Variants in MAU2 observed in about 807,000 individuals in gnomAD.
The protein encoded by MAU2 is MAU2 sister chromatid cohesion factor.
A neutral mutation model predicts 89.1 loss-of-function variants in MAU2; 9 were observed. The ratio of observed to expected loss-of-function variants is 0.10; its 90% CI spans 0.06 to 0.18. The LOEUF (loss-of-function observed/expected upper bound fraction) is 0.18. Among genes scored for constraint, MAU2 ranks in the 10% least tolerant of loss-of-function variants. The pLI, the probability that MAU2 is intolerant of heterozygous loss-of-function variation, is 1.00. For synonymous variants in MAU2, 357 were observed against 343.4 expected (o/e 1.04, Z -0.44); for missense variants, 425 against 803.5 (o/e 0.53, Z 5.69).
In MAU2 at chr19:19,356,071, C is replaced by T; in HGVS notation, c.*289C>T. On this transcript the variant is annotated 3_prime_UTR_variant, in exon 19 of 19. Transcript: ENST00000262815. ...GCCAGTCCTGCCTCAGCATCTGGGT[C>T]ACGTCGGCCAGGAGTAGGGTGCAGG... 1.7e-6 allele frequency: 1 copy of T among 583,624 alleles called. No individual in the cohort carries two copies. Among genetic ancestry groups the T allele is most frequent in the Non-Finnish European group, 3.2e-6 (1 of 308,494 alleles). 36.2% of individuals were successfully genotyped at this position (583,624 alleles called of 1,614,324 possible).
chr19:19,337,391 A>G (rs756999), intron 4 of MAU2, 126 bp downstream of exon 4: 580,499 of 694,166 alleles, frequency 0.84, 244,099 homozygotes, highest in East Asian at 1. Context: ...CACATGGAGT[A>G]GGTGGGGACA....
chr19:19,335,863 G>A, intron 2 of MAU2, 128 bp downstream of exon 2: 1 of 1,102,564 alleles, frequency 9.1e-7, no homozygotes, highest in Non-Finnish European at 1.4e-6. Flanking sequence ...AGAGCACCTG[G>A]AGTGTCCCCC....
At chr19:19,350,256 G>GCT (rs1009613064) in intron 16 of MAU2, among the ~76,000 whole-genome samples, 4 of 139,990 alleles carry the variant, frequency 2.9e-5, no homozygotes, top group African/African-American at 1.1e-4. Flanking sequence ...AGATCATGCC[G>GCT]CTGCACTCCA....
intron 4 of MAU2, 128 bp downstream of exon 4, chr19:19,337,393 G>T: frequency 1.5e-6 from 1 of 678,152 alleles, no homozygotes; most frequent in Non-Finnish European, 2.6e-6. Flanking sequence ...CATGGAGTAG[G>T]TGGGGACATG....
At chr19:19,327,515 C>T (rs1218253158) in intron 1 of MAU2, among the ~76,000 whole-genome samples, 4 of 151,818 alleles carry the variant, frequency 2.6e-5, no homozygotes, top group Non-Finnish European at 2.9e-5. Flanking sequence ...TTAGTAGAGA[C>T]GGGGTTTCAC....
rs12460764 is a variant in MAU2, at chr19:19,321,154, G to A, written c.276+19G>A. 6.4e-7 allele frequency: 1 copy of A among 1,565,564 alleles called. No individual in the cohort carries two copies. Among genetic ancestry groups the A allele is most frequent in the African/African-American group, 1.4e-5 (1 of 71,390 alleles). Reference sequence around the variant, plus strand: ...GAAGGCGGTGAGCGCGGGCCGGGCCGCGAGGGAGGAGTCGCGGGCTCCTTG... The same window carrying A: ...GAAGGCGGTGAGCGCGGGCCGGGCCACGAGGGAGGAGTCGCGGGCTCCTTG... On this transcript the variant is annotated intron_variant, in intron 1 of 18. Coordinates refer to ENST00000262815, the MANE Select transcript of MAU2 (RefSeq NM_015329.4).
At chr19:19,337,662 T>G (rs770898894) in intron 4 of MAU2, among the ~76,000 whole-genome samples, 5 of 152,200 alleles carry the variant, frequency 3.3e-5, no homozygotes, top group African/African-American at 4.8e-5. Flanking sequence ...ACTGTGGGTT[T>G]TTTTTAGGAG....
In MAU2 at chr19:19,356,780, A is replaced by AC. The variant is rs2048184439; in HGVS notation, c.*1001dup. The stretch of plus-strand genomic sequence containing the variant: ...CTGGGTCTCTGGGGCACAGTGTGAA[A>AC]CCCGCACCCTAGCCAGGCCCCAGGG... On this transcript the variant is annotated 3_prime_UTR_variant, in exon 19 of 19. Coordinates refer to ENST00000262815, the MANE Select transcript of MAU2 (RefSeq NM_015329.4). 6.6e-6 allele frequency: 1 copy of AC among 152,190 alleles called. No homozygotes were observed. The highest frequency in any genetic ancestry group is 6.5e-5 in the Admixed American group (1 of 15,268). 9.4% of individuals were successfully genotyped at this position (152,190 alleles called of 1,614,324 possible).
chr19:19,342,961 T>A, intron 9 of MAU2, 95 bp downstream of exon 9: 1 of 1,341,054 alleles, frequency 7.5e-7, no homozygotes, highest in Non-Finnish European at 1.1e-6. Flanking sequence ...TGACCCTGTG[T>A]GACCGCAGCG....
At chr19:19,328,433 T>C (rs1420771464) in intron 1 of MAU2, among the ~76,000 whole-genome samples, 1 of 151,836 alleles carries the variant, frequency 6.6e-6, no homozygotes, top group Non-Finnish European at 1.5e-5. Flanking sequence ...CTTTTTTTTT[T>C]TTTTTTGAGA....
At chr19:19,348,763 C>T in intron 13 of MAU2, 126 bp from the exon 14 acceptor site, 1 of 1,038,384 alleles carries the variant, frequency 9.6e-7, no homozygotes, top group South Asian at 1.3e-5. Context: ...GGTCAGTCAC[C>T]AGGCTCAGCC....
At chr19:19,349,522 A>G in intron 16 of MAU2, 86 bp downstream of exon 16, 1 of 1,169,694 alleles carries the variant, frequency 8.5e-7, no homozygotes, top group Non-Finnish European at 1.3e-6. Flanking sequence ...TAAGGGTGGC[A>G]TGGCACTGTT....
intron 1 of MAU2, among the ~76,000 whole-genome samples, chr19:19,329,798 A>C (rs2061540161): frequency 6.6e-6 from 1 of 151,808 alleles, no homozygotes. Context: ...TCTCTTAAAA[A>C]AAAAAAAAAA....
chr19:19,321,049 G>C lies in MAU2; in HGVS notation c.190G>C (p.Glu64Gln), dbSNP rs1245125262. The part of the protein sequence containing the change: ...VFPFKPPQRI[E>Q]ARTHLQLGSV... ...CCCCTTCAAGCCGCCGCAGCGCATC[G>C]AGGCCCGTACACACCTGCAGCTGGG... Residue 64 changes from glutamate (E) to glutamine (Q), a missense_variant, in exon 1 of 19, where the codon GAG (glutamate) becomes CAG (glutamine). By Grantham distance (29) the Glu-to-Gln change is conservative. Transcript: ENST00000262815. 1.2e-6 allele frequency: 2 copies of C among 1,612,954 alleles called. No homozygotes were observed. The highest frequency in any genetic ancestry group is 1.7e-6 in the Non-Finnish European group (2 of 1,179,552).
At chr19:19,326,493 T>C (rs1333856847) in intron 1 of MAU2, among the ~76,000 whole-genome samples, 1 of 151,486 alleles carries the variant, frequency 6.6e-6, no homozygotes, top group Non-Finnish European at 1.5e-5. Flanking sequence ...GAGACCATCC[T>C]GGCTAACAAG....
chr19:19,339,885 A>G (rs1468501994), intron 5 of MAU2, among the ~76,000 whole-genome samples: 2 of 150,338 alleles, frequency 1.3e-5, no homozygotes, highest in East Asian at 2.0e-4. Flanking sequence ...TTAGCCAGGC[A>G]TGGCCGGGCG....
In MAU2 at chr19:19,345,149, G is replaced by A; in HGVS notation, c.1156-155G>A. The A allele has an allele frequency of 1.3e-6, 1 of 746,642 alleles. No individual in the cohort carries two copies. The highest frequency in any genetic ancestry group is 2.3e-6 in the Non-Finnish European group (1 of 439,092). 46.3% of individuals were successfully genotyped at this position (746,642 alleles called of 1,614,324 possible). ...ACATTGGCTTGGGTCTGAAAGGTGGGGACAGTGAGCATATTACCTGCCTTG... is the reference window on the plus strand; with the variant it reads ...ACATTGGCTTGGGTCTGAAAGGTGGAGACAGTGAGCATATTACCTGCCTTG... On this transcript the variant is annotated intron_variant, in intron 11 of 18. Transcript: ENST00000262815. This position sits in a 1 kb window ranked among gnomAD's most constrained non-coding sequence, Gnocchi z 4.9.
chr19:19,329,127 C>T (rs576282422), intron 1 of MAU2: 1 of 456,014 alleles, frequency 2.2e-6, no homozygotes, highest in East Asian at 6.9e-5. Flanking sequence ...CCCAACAGGG[C>T]TAGGTTCTGA....
intron 1 of MAU2, chr19:19,329,217 C>A: frequency 2.3e-6 from 1 of 435,918 alleles, no homozygotes; most frequent in Non-Finnish European, 4.6e-6. Flanking sequence ...TTCCGTGTCC[C>A]ATCTGCAGGG....
Sources: gnomAD v4.1 joint callset for allele counts (sites outside exome capture counted in the v4.1 genomes callset) on GRCh38, gnomAD v4.1.1 for gene constraint, Gnocchi (gnomAD v3.1) non-coding constraint, MANE v1.5 for transcripts, NCBI Gene and HGNC (gene_info 2026-07-23, HGNC 2026-07-21) for gene names.